The following DNAH5 variants were observed in gnomAD, a reference collection of about 807,000 sequenced individuals.
DNAH5 encodes the protein dynein axonemal heavy chain 5, also known as axonemal beta dynein heavy chain 5.
A neutral mutation model predicts 518.2 loss-of-function variants in DNAH5; 372 were observed. That is an observed-to-expected ratio of 0.72 (90% CI 0.66 to 0.78). The LOEUF (loss-of-function observed/expected upper bound fraction) is 0.78. Among genes scored for constraint, DNAH5 ranks in the 30% least tolerant of loss-of-function variants. The probability of loss-of-function intolerance (pLI) is 0.00; values close to 1 mark genes in which losing one functional copy is unlikely to be tolerated. For missense variants in DNAH5, 5,523 were observed against 5,687.0 expected (o/e 0.97, Z 0.93); for synonymous variants, 2,039 against 2,025.9 (o/e 1.01, Z -0.17).
At position 13,741,325 on chromosome 5, in the gene DNAH5, G is replaced by A. The variant is rs529303281; in HGVS notation, c.11212-3830C>T. Among the ~76,000 whole-genome samples, 43 of 152,252 alleles carry A rather than the reference G, an allele frequency of 2.8e-4. 1 individual carries two copies. In the South Asian group the frequency reaches 6.8e-3, roughly 24 times the overall value. ...CAGTGAATCAGGTCTGCGGACATTCGAGGAAAGGAAGAATTCCCTCTTTAA... is the reference window on the plus strand; with the variant it reads ...CAGTGAATCAGGTCTGCGGACATTCAAGGAAAGGAAGAATTCCCTCTTTAA... On this transcript the variant is annotated intron_variant, in intron 65 of 78. Coordinates refer to ENST00000265104, the MANE Select transcript of DNAH5 (RefSeq NM_001369.3).
chr5:13,717,464 A>G lies in DNAH5; in HGVS notation c.12556T>C (p.Tyr4186His). 1 of 1,614,182 alleles carries G rather than the reference A, an allele frequency of 6.2e-7. No individual in the cohort carries two copies. Among genetic ancestry groups the G allele is most frequent in the South Asian group, 1.1e-5 (1 of 91,090 alleles). The change falls in exon 73 of 79, where the codon TAC becomes CAC. Residue 4186 changes from tyrosine to histidine, a missense_variant. Physicochemically the swap from Tyr to His is moderately conservative, Grantham distance 83. Around this residue, in one of 3 missense-constraint regions of DNAH5, gnomAD observed 5,121 missense variants for 5,223.3 expected, o/e 0.98. Coordinates refer to ENST00000265104, the MANE Select transcript of DNAH5 (RefSeq NM_001369.3). ...GTGGAGTGCAGGAAAGCCACTGCGTACAGCATGGGCTTCCACTGGGACCCA... is the reference window on the plus strand; with the variant it reads ...GTGGAGTGCAGGAAAGCCACTGCGTGCAGCATGGGCTTCCACTGGGACCCA... Reference protein sequence around the residue: ...SSGSQWKPMLYAVAFLHSTVQ... With the variant: ...SSGSQWKPMLHAVAFLHSTVQ...
Position 13,996,431 on chromosome 5 carries a change from T to C in DNAH5, c.12+15217A>G, listed in dbSNP as rs377111931. Reference sequence around the variant, plus strand: ...TTTAAAGTCTAAGTCCCAAGTCTCATACCAATAGCATCTAAATCAGATGTG... The same window carrying C: ...TTTAAAGTCTAAGTCCCAAGTCTCACACCAATAGCATCTAAATCAGATGTG... On this transcript the variant is annotated intron_variant, in intron 1 of 78. Coordinates refer to the DNAH5 transcript ENST00000681290. 1.1e-4 allele frequency among the ~76,000 whole-genome samples: 17 copies of C among 152,326 alleles called. 1 individual carries two copies. The South Asian group carries it at 3.3e-3, about 30-fold the overall frequency.
At chr5:13,872,340 T>A (rs1172982858) in intron 22 of DNAH5, among the ~76,000 whole-genome samples, 1 of 152,208 alleles carries the variant, frequency 6.6e-6, no homozygotes, top group Non-Finnish European at 1.5e-5. Context: ...ACATAAAATG[T>A]ATAATTCATA....
chr5:13,837,626 T>A (rs1048487560), intron 35 of DNAH5, among the ~76,000 whole-genome samples: 8 of 150,006 alleles, frequency 5.3e-5, no homozygotes, highest in Admixed American at 5.3e-4. Flanking sequence ...GCTGGAGACT[T>A]GAAAGGCAGA....
At chr5:13,730,370 A>T (rs1367374648) in intron 68 of DNAH5, among the ~76,000 whole-genome samples, 1 of 152,254 alleles carries the variant, frequency 6.6e-6, no homozygotes, top group Non-Finnish European at 1.5e-5. Context: ...AGGATAAAAT[A>T]TACTATTTAA....
chr5:13,749,817 A>G (rs1189224494), intron 65 of DNAH5, among the ~76,000 whole-genome samples: 2 of 152,166 alleles, frequency 1.3e-5, no homozygotes, highest in African/African-American at 4.8e-5. Context: ...TTACATGACA[A>G]TGCTAAATTT....
chr5:13,916,208 TC>T (rs1776626808), intron 9 of DNAH5, 139 bp downstream of exon 9: 1 of 348,484 alleles, frequency 2.9e-6, no homozygotes, highest in African/African-American at 2.1e-5. Flanking sequence ...TAATTCTATC[TC>T]TATTGATAGC....
chr5:13,908,876 G>A (rs1183866789), intron 12 of DNAH5, among the ~76,000 whole-genome samples: 1 of 152,132 alleles, frequency 6.6e-6, no homozygotes, highest in East Asian at 1.9e-4. Flanking sequence ...ACTCCTGGAC[G>A]CATCACCGCC....
intron 21 of DNAH5, among the ~76,000 whole-genome samples, chr5:13,879,497 T>C (rs1476622523): frequency 6.6e-6 from 1 of 152,024 alleles, no homozygotes; most frequent in Non-Finnish European, 1.5e-5. Context: ...TCAAAAAAAA[T>C]GTGAAGCCAA....
chr5:13,820,313 C>A (rs1386101789), intron 41 of DNAH5, 33 bp downstream of exon 41: 1 of 1,602,652 alleles, frequency 6.2e-7, no homozygotes. Flanking sequence ...CTTAAATGGG[C>A]CACCCCAGGC....
intron 41 of DNAH5, among the ~76,000 whole-genome samples, chr5:13,819,844 T>G (rs916683060): frequency 6.6e-6 from 1 of 152,214 alleles, no homozygotes; most frequent in Non-Finnish European, 1.5e-5. Context: ...GGGATTGGGA[T>G]GACTTCGGCA....
chr5:13,979,381 G>GTTA (rs1467029310), intron 1 of DNAH5, among the ~76,000 whole-genome samples: 1 of 152,100 alleles, frequency 6.6e-6, no homozygotes, highest in Non-Finnish European at 1.5e-5. Flanking sequence ...TTGGTTTAAT[G>GTTA]TTATTGTCAT....
In DNAH5 at chr5:13,775,422, AT is replaced by A. The variant is rs1291985621; in HGVS notation, c.9373+1016del. On this transcript the variant is annotated intron_variant, in intron 55 of 78. Transcript: ENST00000265104. ...AAATAGATGATGGATAGATGGATGG[AT>A]AGATAATAGACAGATAAAGATAGAT... Among the ~76,000 whole-genome samples the A allele has an allele frequency of 2.6e-5, 4 of 152,022 alleles. No individual in the cohort carries two copies. The East Asian group carries it at 7.7e-4, about 29-fold the overall frequency.
intron 31 of DNAH5, among the ~76,000 whole-genome samples, chr5:13,848,897 G>A (rs1347545399): frequency 6.6e-6 from 1 of 152,202 alleles, no homozygotes; most frequent in Non-Finnish European, 1.5e-5. Context: ...CCACAGACTG[G>A]TGCCGAGGTT....
At position 13,979,842 on chromosome 5, in the gene DNAH5, G is replaced by T. The variant is rs1479020947; in HGVS notation, c.12+31806C>A. On this transcript the variant is annotated intron_variant, in intron 1 of 78. Coordinates refer to the DNAH5 transcript ENST00000681290. The stretch of plus-strand genomic sequence containing the variant: ...ACTGCATTTGGCAAAGTTTTTTGGG[G>T]TTTTTTTTTTTTTTTTGAGATGGAG... 4.9e-3 allele frequency among the ~76,000 whole-genome samples: 667 copies of T among 135,802 alleles called. 7 individuals carry two copies. The highest frequency in any genetic ancestry group is 0.015 in the African/African-American group (566 of 36,668). 89.1% of individuals were successfully genotyped at this position (135,802 alleles called of 152,430 possible).
At chr5:13,990,796 G>A (rs1783488282) in intron 1 of DNAH5, among the ~76,000 whole-genome samples, 1 of 152,048 alleles carries the variant, frequency 6.6e-6, no homozygotes, top group Non-Finnish European at 1.5e-5. Context: ...GAACCTGGGA[G>A]GCAGAGATTG....
chr5:13,760,319 T>C (rs921158685), intron 60 of DNAH5, among the ~76,000 whole-genome samples: 3 of 152,244 alleles, frequency 2.0e-5, no homozygotes, highest in African/African-American at 7.2e-5. Flanking sequence ...TAGAACTCTG[T>C]GCAGGCTGCT....
rs1434326991 is a variant in DNAH5 at position 13,838,279 on chromosome 5, G to C, written c.5882+1077C>G. ...TCCCCAGCCCCCAGGCCACAGACCA[G>C]TATTGGAGCTGAATGAGGACAGAGT... is the stretch of plus-strand genomic sequence containing the variant. On this transcript the variant is annotated intron_variant, in intron 35 of 78. Transcript: ENST00000265104. Among the ~76,000 whole-genome samples the C allele has an allele frequency of 5.3e-5, 8 of 152,170 alleles. 1 individual carries two copies. Among genetic ancestry groups the C allele is most frequent in the Admixed American group, 5.2e-4 (8 of 15,280 alleles).
chr5:13,835,486 T>C (rs1764253307), intron 35 of DNAH5, among the ~76,000 whole-genome samples: 1 of 152,216 alleles, frequency 6.6e-6, no homozygotes, highest in African/African-American at 2.4e-5. Context: ...AACAGGGCAA[T>C]TCCCACCCTC....
Sources: allele counts gnomAD v4.1 joint callset (sites outside exome capture counted in the v4.1 genomes callset), GRCh38; gene constraint gnomAD v4.1.1; regional missense constraint gnomAD v4.1.1; transcripts MANE v1.5; gene names NCBI Gene and HGNC (gene_info 2026-07-23, HGNC 2026-07-21).